SLC25A26: variants seen among roughly 807,000 people sequenced by gnomAD.
The protein encoded by SLC25A26 is mitochondrial S-adenosylmethionine carrier protein.
Under a neutral mutation model 37.8 loss-of-function variants are expected in SLC25A26, and 36 were observed. The observed-to-expected ratio is 0.95, with a 90% CI of 0.73 to 1.26. The LOEUF is 1.26. SLC25A26 is among the 50% of genes most tolerant of loss of function. SLC25A26 has a pLI of 0.00. For missense variants in SLC25A26, 390 were observed against 331.1 expected, an observed-to-expected ratio of 1.18 and a Z score of -1.38; for synonymous variants, 129 against 122.5, an observed-to-expected ratio of 1.05 and a Z score of -0.35.
chr3:66,222,460 CG>C (rs2071546157), intron 1 of SLC25A26, among the ~76,000 whole-genome samples: 1 of 152,212 alleles, frequency 6.6e-6, no homozygotes, highest in South Asian at 2.1e-4. Context: ...GGACTACAGG[CG>C]TGAGCCACGG....
chr3:66,197,565 G>T (rs1379507712), intron 1 of SLC25A26, among the ~76,000 whole-genome samples: 9 of 152,032 alleles, frequency 5.9e-5, no homozygotes, highest in African/African-American at 2.2e-4. Context: ...TAATTGTCAG[G>T]CTAAGTAAGC....
intron 2 of SLC25A26, among the ~76,000 whole-genome samples, chr3:66,240,649 TG>T (rs1284980873): frequency 2.6e-5 from 4 of 152,154 alleles, no homozygotes; most frequent in Non-Finnish European, 5.9e-5. Flanking sequence ...TAAGTTTTGA[TG>T]AATTTTAACT....
intron 6 of SLC25A26, among the ~76,000 whole-genome samples, chr3:66,354,557 AT>A (rs568985170): frequency 2.0e-5 from 3 of 152,124 alleles, no homozygotes; most frequent in Non-Finnish European, 4.4e-5. Context: ...AATAAATAGC[AT>A]TTTTTCTTGT....
At chr3:66,266,878 A>C (rs888741453) in intron 5 of SLC25A26, among the ~76,000 whole-genome samples, 2 of 152,168 alleles carry the variant, frequency 1.3e-5, no homozygotes, top group African/African-American at 4.8e-5. Flanking sequence ...TTTTATGGAG[A>C]GCAGCCTCAT....
At chr3:66,173,774 T>C (rs1054211840) in intron 1 of SLC25A26, among the ~76,000 whole-genome samples, 21 of 152,196 alleles carry the variant, frequency 1.4e-4, no homozygotes, top group East Asian at 7.7e-4. Flanking sequence ...GAAAGCTGGC[T>C]GGGTGCAGTG....
chr3:66,208,974 G>A (rs1306207090), intron 1 of SLC25A26, among the ~76,000 whole-genome samples: 67,656 of 82,310 alleles, frequency 0.82, 28,564 homozygotes, highest in South Asian at 0.9. Flanking sequence ...ATAAAGGTGT[G>A]TATATATATA....
intron 5 of SLC25A26, among the ~76,000 whole-genome samples, chr3:66,317,079 A>G (rs1292309920): frequency 1.3e-5 from 2 of 152,152 alleles, no homozygotes; most frequent in Non-Finnish European, 2.9e-5. Context: ...GTTCATTACT[A>G]CCCATCTTCT....
intron 3 of SLC25A26, among the ~76,000 whole-genome samples, chr3:66,249,698 A>G (rs1339003662): frequency 6.6e-6 from 1 of 152,220 alleles, no homozygotes; most frequent in East Asian, 1.9e-4. Flanking sequence ...TGCAGCTGGA[A>G]TATTTTGCCA....
At chr3:66,360,690 A>T (rs923403348) in intron 6 of SLC25A26, among the ~76,000 whole-genome samples, 3 of 152,212 alleles carry the variant, frequency 2.0e-5, no homozygotes, top group African/African-American at 4.8e-5. Flanking sequence ...CTTAAGGATA[A>T]ATTTGACAAA....
chr3:66,209,040 G>GTATATATA (rs1172568131), intron 1 of SLC25A26, among the ~76,000 whole-genome samples: 8 of 33,488 alleles, frequency 2.4e-4, no homozygotes, highest in African/African-American at 5.5e-4. Context: ...ATATAAAGGT[G>GTATATATA]TATATATATA....
intron 1 of SLC25A26, among the ~76,000 whole-genome samples, chr3:66,231,210 T>A (rs1388760569): frequency 6.6e-6 from 1 of 152,140 alleles, no homozygotes; most frequent in Non-Finnish European, 1.5e-5. Context: ...TTTGAGATGT[T>A]CGAGTAGTCA....
intron 5 of SLC25A26, among the ~76,000 whole-genome samples, chr3:66,294,760 A>G (rs1178538717): frequency 6.6e-6 from 1 of 152,204 alleles, no homozygotes; most frequent in African/African-American, 2.4e-5. Flanking sequence ...TCTGTCTACT[A>G]TGTAGTAACC....
intron 9 of SLC25A26, among the ~76,000 whole-genome samples, chr3:66,371,973 C>T (rs1700367747): frequency 1.3e-5 from 2 of 152,248 alleles, no homozygotes; most frequent in Admixed American, 1.3e-4. Flanking sequence ...GTCGCACGCA[C>T]CTGTAGTCGC....
chr3:66,155,699 G>A (rs556421411), intron 1 of SLC25A26, among the ~76,000 whole-genome samples: 185 of 152,310 alleles, frequency 1.2e-3, no homozygotes, highest in African/African-American at 4.2e-3. Flanking sequence ...ATGTCTGGAA[G>A]AGTACAGCCA....
At chr3:66,153,571 C>CAACCGCAG (rs1343134283) in intron 1 of SLC25A26, among the ~76,000 whole-genome samples, 2 of 152,234 alleles carry the variant, frequency 1.3e-5, no homozygotes, top group African/African-American at 4.8e-5. Flanking sequence ...TTGAGAAACA[C>CAACCGCAG]AACCGCAGAA....
chr3:66,157,796 A>C (rs1224050112), intron 1 of SLC25A26, among the ~76,000 whole-genome samples: 1 of 152,206 alleles, frequency 6.6e-6, no homozygotes, highest in Non-Finnish European at 1.5e-5. Context: ...TTTATTTAAA[A>C]AAATTTTTTT....
chr3:66,313,732 C>T (rs915627522), intron 5 of SLC25A26, among the ~76,000 whole-genome samples: 2 of 152,114 alleles, frequency 1.3e-5, no homozygotes, highest in Non-Finnish European at 2.9e-5. Context: ...TTTTGTAATA[C>T]TGATTCTTCC....
intron 7 of SLC25A26, among the ~76,000 whole-genome samples, chr3:66,368,744 G>A (rs932939499): frequency 7.3e-4 from 111 of 152,218 alleles, no homozygotes; most frequent in African/African-American, 2.6e-3. Context: ...CAGGCTGGGC[G>A]TGGTGGTTCA....
At chr3:66,208,628 T>C (rs2106827113) in intron 1 of SLC25A26, among the ~76,000 whole-genome samples, 1 of 106,478 alleles carries the variant, frequency 9.4e-6, no homozygotes, top group South Asian at 3.7e-4. Context: ...TATAGATATA[T>C]ATATAATATA....
Sources: allele counts gnomAD v4.1 joint callset (sites outside exome capture counted in the v4.1 genomes callset), GRCh38; gene constraint gnomAD v4.1.1; transcripts MANE v1.5; gene names NCBI Gene and HGNC (gene_info 2026-07-23, HGNC 2026-07-21).